MOB3A: variants seen among roughly 807,000 people sequenced by gnomAD.
MOB3A encodes the protein MOB LAK.
A neutral mutation model predicts 17.8 loss-of-function variants in MOB3A; 17 were observed. That is an observed-to-expected ratio of 0.95 (90% confidence interval 0.65 to 1.43). The LOEUF (loss-of-function observed/expected upper bound fraction) is 1.43. Among genes scored for constraint, MOB3A ranks in the 40% most tolerant of loss-of-function variants. MOB3A has a pLI of 0.00. For synonymous variants in MOB3A, 124 were observed against 133.2 expected (o/e 0.93, Z 0.48); for missense variants, 333 against 310.8 (o/e 1.07, Z -0.54).
chr19:2,078,516 T>A lies in MOB3A; in HGVS notation c.45A>T (p.Thr15=). 6.3e-7 allele frequency: 1 copy of A among 1,596,448 alleles called. No homozygotes were observed. Among genetic ancestry groups the A allele is most frequent in the Non-Finnish European group, 8.6e-7 (1 of 1,168,246 alleles). Reference sequence around the variant, plus strand: ...GCTCAAACTTGCGCTTGGGGCGGAATGTCTTGTCCTTGTTGAAGACTTGCT... The same window carrying A: ...GCTCAAACTTGCGCTTGGGGCGGAAAGTCTTGTCCTTGTTGAAGACTTGCT... ...FLKQVFNKDK[T]FRPKRKFEPG... Residue 15 remains threonine (T), a synonymous_variant, in exon 3 of 5, where the codon ACA becomes ACT. Coordinates refer to ENST00000357066, the MANE Select transcript of MOB3A (RefSeq NM_130807.3).
intron 4 of MOB3A, among the ~76,000 whole-genome samples, chr19:2,075,009 G>A (rs926998394): frequency 2.0e-5 from 3 of 151,012 alleles, no homozygotes; most frequent in African/African-American, 7.3e-5. Flanking sequence ...GAGCCACCAC[G>A]CCGGGCCTTA....
rs963215266 is a variant in MOB3A, at chr19:2,082,427, G to A, written c.-120+2748C>T. ...TGTCCCTTTGGGTTAAGATTAGATC[G>A]CCCTGGGTGAGATCGTGGCTCAGAT... On this transcript the variant is annotated intron_variant, in intron 2 of 4. Transcript: ENST00000357066. This position sits in a 1 kb window ranked among gnomAD's most constrained non-coding sequence, Gnocchi z 4.1. Among the ~76,000 whole-genome samples the A allele has an allele frequency of 2.0e-5, 3 of 152,166 alleles. No homozygotes were observed. The highest frequency in any genetic ancestry group is 6.5e-5 in the Admixed American group (1 of 15,276).
At chr19:2,081,736 T>C (rs891271966) in intron 2 of MOB3A, among the ~76,000 whole-genome samples, 7 of 151,614 alleles carry the variant, frequency 4.6e-5, no homozygotes, top group African/African-American at 1.7e-4. Context: ...ATACAAAAAT[T>C]AGCCAGGCGT....
At chr19:2,087,608 T>C (rs560324927) in intron 1 of MOB3A, among the ~76,000 whole-genome samples, 12 of 152,292 alleles carry the variant, frequency 7.9e-5, no homozygotes, top group African/African-American at 2.6e-4. Context: ...TGAGCTATGA[T>C]TGTGCCACTG....
At chr19:2,084,816 C>T (rs1410282387) in intron 2 of MOB3A, among the ~76,000 whole-genome samples, 1 of 152,058 alleles carries the variant, frequency 6.6e-6, no homozygotes, top group Non-Finnish European at 1.5e-5. Context: ...GTCTCAAACT[C>T]TTTACCTCGT....
intron 1 of MOB3A, among the ~76,000 whole-genome samples, chr19:2,088,514 T>C (rs950626860): frequency 6.6e-6 from 1 of 151,930 alleles, no homozygotes; most frequent in Non-Finnish European, 1.5e-5. Context: ...GTTGCCCAGG[T>C]TGGAGTGCAG....
chr19:2,076,605 C>G (rs1229517551), intron 4 of MOB3A, among the ~76,000 whole-genome samples: 1 of 152,184 alleles, frequency 6.6e-6, no homozygotes, highest in African/African-American at 2.4e-5. Context: ...CTGTCGCCGG[C>G]ATTTGTTCCG....
chr19:2,080,215 G>A (rs1040712665), intron 2 of MOB3A, among the ~76,000 whole-genome samples: 9 of 152,098 alleles, frequency 5.9e-5, no homozygotes, highest in Non-Finnish European at 1.5e-5. Flanking sequence ...CAGGGTGCTG[G>A]GCAGGGCGGG....
In MOB3A at chr19:2,071,875, A is replaced by G. The variant is rs893658858; in HGVS notation, c.*1520T>C. ...GTTCCGAAGAGGCAGAGAGCTCACT[A>G]TGTTATCGATAAAAAAATTCTTGGC... On this transcript the variant is annotated 3_prime_UTR_variant, in exon 5 of 5. Transcript: ENST00000357066. 7.9e-5 allele frequency: 12 copies of G among 152,360 alleles called. No homozygotes were observed. Among genetic ancestry groups the G allele is most frequent in the Admixed American group, 7.2e-4 (11 of 15,282 alleles). The allele number at this position is 152,360 out of a possible 1,614,324, so 9.4% of individuals were successfully genotyped here. A position where few individuals can be genotyped will look rare whatever the true frequency, so the allele number is the denominator to read the frequency against.
intron 3 of MOB3A, among the ~76,000 whole-genome samples, chr19:2,077,788 CTTT>C (rs775160001): frequency 1.4e-5 from 2 of 144,426 alleles, no homozygotes; most frequent in Non-Finnish European, 1.5e-5. Flanking sequence ...AAATGGAATC[CTTT>C]TTTTTTTTTT....
At chr19:2,092,051 A>C (rs997311401) in intron 1 of MOB3A, among the ~76,000 whole-genome samples, 1 of 151,790 alleles carries the variant, frequency 6.6e-6, no homozygotes, top group Admixed American at 6.6e-5. Context: ...CCATGAAAAA[A>C]AATAAGGAAC....
chr19:2,084,924 A>G (rs141932822), intron 2 of MOB3A, among the ~76,000 whole-genome samples: 16 of 150,330 alleles, frequency 1.1e-4, no homozygotes, highest in Admixed American at 7.3e-4. Flanking sequence ...GGGTTTCACC[A>G]TGTTGCCTAG....
At position 2,073,232 on chromosome 19, in the gene MOB3A, C is replaced by CG; in HGVS notation, c.*162dup. 1.3e-6 allele frequency: 1 copy of CG among 775,358 alleles called. No homozygotes were observed. The highest frequency in any genetic ancestry group is 2.2e-5 in the Admixed American group (1 of 46,006). The allele number at this position is 775,358 out of a possible 1,614,324, so 48.0% of individuals were successfully genotyped here. A position where few individuals can be genotyped will look rare whatever the true frequency, so the allele number is the denominator to read the frequency against. ...GAGACTGAGGAAGGCATCTGCCGTC[C>CG]GGGGTTGGAGCTCCTGAGGACCAAC... On this transcript the variant is annotated 3_prime_UTR_variant, in exon 5 of 5. Coordinates refer to ENST00000357066, the MANE Select transcript of MOB3A (RefSeq NM_130807.3).
At chr19:2,096,040 G>A (rs968584930) in intron 1 of MOB3A, among the ~76,000 whole-genome samples, 186 bp downstream of exon 1, 4 of 151,790 alleles carry the variant, frequency 2.6e-5, no homozygotes, top group Non-Finnish European at 5.9e-5. Flanking sequence ...CACCGCGCCC[G>A]GCCTCGCCCT....
At position 2,073,290 on chromosome 19, in the gene MOB3A, G is replaced by T; in HGVS notation, c.*105C>A. On this transcript the variant is annotated 3_prime_UTR_variant, in exon 5 of 5. Coordinates refer to ENST00000357066, the MANE Select transcript of MOB3A (RefSeq NM_130807.3). ...CAGCGGCTCGGCCCCTGGTCTCCCT[G>T]AGATGCTCAGGCCGGAGAGAAGCGG... 1 of 1,470,762 alleles carries T rather than the reference G, an allele frequency of 6.8e-7. No homozygotes were observed. Among genetic ancestry groups the T allele is most frequent in the Non-Finnish European group, 9.4e-7 (1 of 1,061,628 alleles). 91.1% of individuals were successfully genotyped at this position (1,470,762 alleles called of 1,614,324 possible).
intron 4 of MOB3A, among the ~76,000 whole-genome samples, chr19:2,076,293 G>C (rs2017406165): frequency 6.6e-6 from 1 of 151,956 alleles, no homozygotes; most frequent in South Asian, 2.1e-4. Flanking sequence ...TTAGCTGGAC[G>C]TGGTGGCGCG....
chr19:2,076,662 C>T lies in MOB3A; in HGVS notation c.624+149G>A, dbSNP rs537075452. On this transcript the variant is annotated intron_variant, in intron 4 of 4. Transcript: ENST00000357066. ...CCAGCTACCTCACCACTTGTCCCAT[C>T]AGCAGGGTCCCCGGGGCCCAACTCC... 8.0e-5 allele frequency: 58 copies of T among 720,732 alleles called. 3 individuals are homozygous for T. The African/African-American group carries it at 8.1e-4, about 10-fold the overall frequency. The allele number at this position is 720,732 out of a possible 1,614,324, so 44.6% of individuals were successfully genotyped here. A position where few individuals can be genotyped will look rare whatever the true frequency, so the allele number is the denominator to read the frequency against.
chr19:2,092,912 T>C (rs2017629713), intron 1 of MOB3A, among the ~76,000 whole-genome samples: 1 of 152,132 alleles, frequency 6.6e-6, no homozygotes, highest in Non-Finnish European at 1.5e-5. Flanking sequence ...TTCCAGAGAC[T>C]TCTCTGGGAC....
chr19:2,096,310 C>A lies in MOB3A; in HGVS notation c.-358G>T, dbSNP rs1183864215. 1.3e-5 allele frequency: 2 copies of A among 158,746 alleles called. No individual in the cohort carries two copies. Among genetic ancestry groups the A allele is most frequent in the South Asian group, 1.5e-4 (1 of 6,642 alleles). The allele number at this position is 158,746 out of a possible 1,614,324, so 9.8% of individuals were successfully genotyped here. On this transcript the variant is annotated 5_prime_UTR_variant, in exon 1 of 5. Transcript: ENST00000357066. ...CCTCAGCCGCCGCACCGCCTCGCAG[C>A]CGCCGCGGAGGGACACGGCCGCGGG...
Sources: gnomAD v4.1 joint callset for allele counts (sites outside exome capture counted in the v4.1 genomes callset) on GRCh38, gnomAD v4.1.1 for gene constraint, Gnocchi (gnomAD v3.1) non-coding constraint, MANE v1.5 for transcripts, NCBI Gene and HGNC (gene_info 2026-07-23, HGNC 2026-07-21) for gene names.